ACACA: variants seen among roughly 807,000 people sequenced by gnomAD.
ACACA encodes the protein acetyl-CoA carboxylase 1.
ACACA carries 103 observed loss-of-function variants against 296.1 expected under a neutral mutation model. That is an observed-to-expected ratio of 0.35 (90% confidence interval 0.30 to 0.41). The LOEUF is 0.41. ACACA is among the 10% of genes least tolerant of loss of function. The probability of loss-of-function intolerance (pLI) is 1.00; values close to 1 mark genes in which losing one functional copy is unlikely to be tolerated. For synonymous variants in ACACA, 953 were observed against 1,038.6 expected (o/e 0.92, Z 1.58); for missense variants, 1,554 against 2,989.7 (o/e 0.52, Z 11.20).
At chr17:37,335,842 G>C (rs2048092998) in intron 2 of ACACA, among the ~76,000 whole-genome samples, 1 of 152,200 alleles carries the variant, frequency 6.6e-6, no homozygotes, top group Admixed American at 6.5e-5. Context: ...GCTAACCGCG[G>C]AAAGCGGGGG....
rs2072174905 is a variant in ACACA at position 37,086,023 on chromosome 17, C to T, written c.*1293G>A. 2.6e-6 allele frequency: 1 copy of T among 389,062 alleles called. No homozygotes were observed. Among genetic ancestry groups the T allele is most frequent in the Non-Finnish European group, 4.5e-6 (1 of 220,706 alleles). 24.1% of individuals were successfully genotyped at this position (389,062 alleles called of 1,614,324 possible). ...CTAGTTGTTGAAAGTAAACTCTCTC[C>T]ACCACCTGAGGAAGCCCCTGATGCC... On this transcript the variant is annotated 3_prime_UTR_variant, in exon 56 of 56. Coordinates refer to ENST00000616317, the MANE Select transcript of ACACA (RefSeq NM_198834.3).
chr17:37,239,170 A>G (rs1400191546), intron 24 of ACACA, among the ~76,000 whole-genome samples: 3 of 152,066 alleles, frequency 2.0e-5, no homozygotes, highest in Admixed American at 1.3e-4. Context: ...TTTTCTAAAC[A>G]ATTGCTCTAC....
intron 45 of ACACA, among the ~76,000 whole-genome samples, chr17:37,135,016 AG>A (rs1183313582): frequency 6.6e-6 from 1 of 152,168 alleles, no homozygotes; most frequent in Non-Finnish European, 1.5e-5. Flanking sequence ...AGGAAAAGGG[AG>A]GGGGAGAGAA....
At chr17:37,206,729 T>C (rs1180532566) in intron 32 of ACACA, 54 bp downstream of exon 32, 10 of 1,368,972 alleles carry the variant, frequency 7.3e-6, no homozygotes, top group African/African-American at 2.9e-5. Context: ...TAGTATACAG[T>C]AGAAGTCCCA....
At chr17:37,340,336 A>C (rs1023299477) in intron 1 of ACACA, among the ~76,000 whole-genome samples, 1 of 152,234 alleles carries the variant, frequency 6.6e-6, no homozygotes, top group African/African-American at 2.4e-5. Flanking sequence ...AGTCTCTAGC[A>C]ACTCCCCAAA....
intron 3 of ACACA, among the ~76,000 whole-genome samples, chr17:37,325,199 CAA>C (rs570719773): frequency 2.6e-4 from 26 of 98,354 alleles, no homozygotes; most frequent in Admixed American, 3.2e-4. Flanking sequence ...GACTCCCTCT[CAA>C]AAAAAAAAAA....
At chr17:37,359,278 C>T (rs567929288) in intron 1 of ACACA, among the ~76,000 whole-genome samples, 55 of 152,268 alleles carry the variant, frequency 3.6e-4, no homozygotes, top group South Asian at 8.3e-4. Context: ...CTGCCAGGGC[C>T]GCCGGGGGGC....
At position 37,362,569 on chromosome 17, in the gene ACACA, CATT is replaced by C. The variant is rs1391535684; in HGVS notation, c.39-22722_39-22720del. ...ATTGATAAACCCAGATATATATAAA[CATT>C]ATATGCGCCACTGTCCAGACAGCTT... On this transcript the variant is annotated intron_variant, in intron 1 of 55. Transcript: ENST00000616317. Among the ~76,000 whole-genome samples, 9 of 152,276 alleles carry C rather than the reference CATT, an allele frequency of 5.9e-5. No individual in the cohort carries two copies. In the East Asian group the frequency reaches 1.2e-3, roughly 20 times the overall value.
intron 29 of ACACA, among the ~76,000 whole-genome samples, chr17:37,220,876 C>A (rs550039090): frequency 2.5e-4 from 38 of 152,074 alleles, no homozygotes; most frequent in African/African-American, 8.2e-4. Context: ...CCAAAAGACA[C>A]AGTACTTTGT....
chr17:37,314,207 A>G (rs2046978572), intron 3 of ACACA, among the ~76,000 whole-genome samples: 1 of 149,442 alleles, frequency 6.7e-6, no homozygotes, highest in Non-Finnish European at 1.5e-5. Flanking sequence ...GGTTCACACT[A>G]TTCTGCCTCA....
At chr17:37,202,660 TTTTC>T (rs2078301856) in intron 33 of ACACA, among the ~76,000 whole-genome samples, 1 of 137,888 alleles carries the variant, frequency 7.3e-6, no homozygotes, top group Non-Finnish European at 1.6e-5. Context: ...TTTTCTTTCC[TTTTC>T]TTTCATATAT....
At chr17:37,164,450 T>G (rs2076586297) in intron 41 of ACACA, among the ~76,000 whole-genome samples, 1 of 152,148 alleles carries the variant, frequency 6.6e-6, no homozygotes, top group Non-Finnish European at 1.5e-5. Flanking sequence ...TATAAGCTAT[T>G]TAATATATCA....
intron 25 of ACACA, among the ~76,000 whole-genome samples, chr17:37,233,836 C>T (rs1434107724): frequency 6.6e-6 from 1 of 152,172 alleles, no homozygotes; most frequent in Non-Finnish European, 1.5e-5. Context: ...ATATATTTTT[C>T]CCTCTCAACT....
intron 52 of ACACA, among the ~76,000 whole-genome samples, chr17:37,098,472 C>T (rs1024032902): frequency 2.0e-5 from 3 of 152,206 alleles, no homozygotes; most frequent in Admixed American, 6.5e-5. Context: ...CGTGTACATG[C>T]GAGTTATCTG....
intron 25 of ACACA, among the ~76,000 whole-genome samples, chr17:37,231,094 C>G (rs1416724794): frequency 6.6e-6 from 1 of 152,136 alleles, no homozygotes; most frequent in East Asian, 1.9e-4. Context: ...ATAGCCAAGG[C>G]TGGGCACAGT....
At chr17:37,352,753 T>G (rs1418034888) in intron 1 of ACACA, among the ~76,000 whole-genome samples, 1 of 152,154 alleles carries the variant, frequency 6.6e-6, no homozygotes, top group Non-Finnish European at 1.5e-5. Flanking sequence ...AAGAAATTTC[T>G]TCCTTAAGGA....
At position 37,085,163 on chromosome 17, in the gene ACACA, C is replaced by T. The variant is rs1463411294; in HGVS notation, c.*2153G>A. ...GTCCAAGCAGGTCTTGGTCAATATC[C>T]ATCATTTATACTCCTCCTGCCTTAG... On this transcript the variant is annotated 3_prime_UTR_variant, in exon 56 of 56. Transcript: ENST00000616317. 2 of 155,644 alleles carry T rather than the reference C, an allele frequency of 1.3e-5. No homozygotes were observed. The highest frequency in any genetic ancestry group is 4.8e-5 in the African/African-American group (2 of 41,584). The allele number at this position is 155,644 out of a possible 1,614,324, so 9.6% of individuals were successfully genotyped here. A position where few individuals can be genotyped will look rare whatever the true frequency, so the allele number is the denominator to read the frequency against.
rs919485640 is a variant in ACACA at position 37,225,257 on chromosome 17, C to T, written c.3361-152G>A. Reference sequence around the variant, plus strand: ...GACCAAGTAAAACAACTTCTAGGTCCTGTAACATAAAGCCAGTGCCACCAA... The same window carrying T: ...GACCAAGTAAAACAACTTCTAGGTCTTGTAACATAAAGCCAGTGCCACCAA... On this transcript the variant is annotated intron_variant, in intron 26 of 55. Transcript: ENST00000616317. 2.2e-5 allele frequency: 14 copies of T among 634,608 alleles called. No individual in the cohort carries two copies. The Admixed American group carries it at 3.1e-4, about 14-fold the overall frequency. 39.3% of individuals were successfully genotyped at this position (634,608 alleles called of 1,614,324 possible). A position where few individuals can be genotyped will look rare whatever the true frequency, so the allele number is the denominator to read the frequency against.
intron 3 of ACACA, among the ~76,000 whole-genome samples, chr17:37,303,614 T>C (rs2083732782): frequency 6.6e-6 from 1 of 152,186 alleles, no homozygotes; most frequent in South Asian, 2.1e-4. Flanking sequence ...TCCTAGCACT[T>C]TGGGAGGCCG....
Sources: allele counts gnomAD v4.1 joint callset (sites outside exome capture counted in the v4.1 genomes callset), GRCh38; gene constraint gnomAD v4.1.1; transcripts MANE v1.5; gene names NCBI Gene and HGNC (gene_info 2026-07-23, HGNC 2026-07-21).